Variants in MRC1 observed in about 807,000 individuals in gnomAD.
MRC1 encodes the protein macrophage mannose receptor 1.
MRC1 carries 62 observed loss-of-function variants against 102.9 expected under a neutral mutation model. That is an observed-to-expected ratio of 0.60 (90% CI 0.49 to 0.74). MRC1 has a LOEUF of 0.74. Ranked by LOEUF, MRC1 falls within the 30% of genes least tolerant of loss-of-function variation. MRC1 has a pLI of 0.00. For synonymous variants in MRC1, 457 were observed against 298.4 expected (o/e 1.53, Z -5.48); for missense variants, 1,237 against 862.8 (o/e 1.43, Z -5.43).
chr10:17,888,042 G>C (rs1833624925), intron 22 of MRC1, among the ~76,000 whole-genome samples: 1 of 152,144 alleles, frequency 6.6e-6, no homozygotes. Context: ...CTGACCTCGT[G>C]ATACACCTGC....
intron 21 of MRC1, 132 bp downstream of exon 21, chr10:17,881,313 A>C: frequency 1.5e-6 from 1 of 680,150 alleles, no homozygotes; most frequent in Non-Finnish European, 2.7e-6. Flanking sequence ...AAAAAATCAA[A>C]TGCTTATTGA....
At chr10:17,851,287 T>C (rs913541246) in intron 7 of MRC1, among the ~76,000 whole-genome samples, 99 of 152,272 alleles carry the variant, frequency 6.5e-4, no homozygotes, top group African/African-American at 2.3e-3. Context: ...CCATTAAAAA[T>C]TATTGATAAG....
chr10:17,812,017 TG>T (rs1313749086), intron 1 of MRC1, among the ~76,000 whole-genome samples: 1 of 152,204 alleles, frequency 6.6e-6, no homozygotes, highest in Non-Finnish European at 1.5e-5. Context: ...CCTGGCTTCC[TG>T]CCCACTAGGA....
At chr10:17,870,097 G>GT in intron 12 of MRC1, 149 bp from the exon 13 acceptor site, 1 of 653,608 alleles carries the variant, frequency 1.5e-6, no homozygotes, top group Non-Finnish European at 2.8e-6. Context: ...CTCATAAACT[G>GT]ATTTTAAAGC....
Position 17,845,231 on chromosome 10 carries a change from A to T in MRC1, c.917-58A>T, listed in dbSNP as rs782588754. 1.0e-5 allele frequency: 8 copies of T among 780,608 alleles called. No individual in the cohort carries two copies. In the African/African-American group the frequency reaches 1.4e-4, roughly 13 times the overall value. The allele number at this position is 780,608 out of a possible 1,614,324, so 48.4% of individuals were successfully genotyped here. ...GAAGACATGAGGAGACGTGGGAGGG[A>T]TGCTATCTGCTGGGAATAGCTATAA... On this transcript the variant is annotated intron_variant, in intron 5 of 29. Coordinates refer to ENST00000569591, the MANE Select transcript of MRC1 (RefSeq NM_002438.4).
chr10:17,853,572 A>ATG (rs782100594), intron 8 of MRC1, among the ~76,000 whole-genome samples: 33,394 of 146,292 alleles, frequency 0.23, 3,805 homozygotes, highest in East Asian at 0.36. Context: ...ATATATATGT[A>ATG]TGTGTGTGTG....
rs1833819935 is a variant in MRC1 at position 17,900,871 on chromosome 10, A to C, written c.3567A>C (p.Ala1189=). 2.6e-6 allele frequency: 2 copies of C among 780,836 alleles called. No homozygotes were observed. The highest frequency in any genetic ancestry group is 4.8e-6 in the Non-Finnish European group (2 of 417,952). 48.4% of individuals were successfully genotyped at this position (780,836 alleles called of 1,614,324 possible). A position where few individuals can be genotyped will look rare whatever the true frequency, so the allele number is the denominator to read the frequency against. The change falls in exon 25 of 30, where the codon GCA becomes GCC. Residue 1189 remains alanine (A), a synonymous_variant. Transcript: ENST00000569591. ...WAADEPKLKS[A]CVYLDLDGYW... ...CTGATGAGCCCAAATTGAAATCAGC[A>C]TGTGTTTATCTGGATCTTGATGGCT...
At chr10:17,816,343 A>C (rs1490374641) in intron 1 of MRC1, among the ~76,000 whole-genome samples, 1 of 152,192 alleles carries the variant, frequency 6.6e-6, no homozygotes, top group Non-Finnish European at 1.5e-5. Context: ...AGCCCAGGAA[A>C]CACTGACAGG....
At chr10:17,838,473 T>C (rs36089972) in intron 4 of MRC1, among the ~76,000 whole-genome samples, 2,946 of 151,758 alleles carry the variant, frequency 0.019, 105 homozygotes, top group African/African-American at 0.068. Context: ...AAATAAGATA[T>C]AGGAAGTGAA....
Position 17,823,368 on chromosome 10 carries a change from A to G in MRC1, c.356A>G (p.Tyr119Cys), listed in dbSNP as rs782634590. 3.8e-6 allele frequency: 3 copies of G among 780,748 alleles called. No homozygotes were observed. The highest frequency in any genetic ancestry group is 1.7e-5 in the African/African-American group (1 of 59,120). The allele number at this position is 780,748 out of a possible 1,614,324, so 48.4% of individuals were successfully genotyped here. A position where few individuals can be genotyped will look rare whatever the true frequency, so the allele number is the denominator to read the frequency against. The change falls in exon 2 of 30, where the codon TAC becomes TGC. Residue 119 changes from tyrosine to cysteine, a missense_variant. Physicochemically the swap from Tyr to Cys is radical, Grantham distance 194. Transcript: ENST00000569591. The part of the protein sequence containing the change: ...GIKGEDLFFN[Y>C]GNRQEKNIML... ...AAAGGAGAAGATTTATTTTTTAACT[A>G]CGGCAACAGACAAGAAAAGAATATT...
Position 17,874,924 on chromosome 10 carries a change from T to C in MRC1, c.2387-166T>C, listed in dbSNP as rs1833408626. 2.6e-5 allele frequency among the ~76,000 whole-genome samples: 4 copies of C among 152,152 alleles called. No homozygotes were observed. The South Asian group carries it at 8.3e-4, about 32-fold the overall frequency. ...TAGAAAGTGGATATTTGGGCTGGGG[T>C]TCAGATGTCTGTATTTGACGTGGAC... is the stretch of plus-strand genomic sequence containing the variant. On this transcript the variant is annotated intron_variant, in intron 16 of 29. Coordinates refer to ENST00000569591, the MANE Select transcript of MRC1 (RefSeq NM_002438.4).
chr10:17,819,164 C>T lies in MRC1; in HGVS notation c.62-3910C>T, dbSNP rs979038931. On this transcript the variant is annotated intron_variant, in intron 1 of 29. Transcript: ENST00000569591. ...CATTCAACCAGAATGTGGTGTACAT[C>T]GCAGGCAATCTGCAAAAGAGATGGG... is the stretch of plus-strand genomic sequence containing the variant. Among the ~76,000 whole-genome samples, 6 of 152,162 alleles carry T rather than the reference C, an allele frequency of 3.9e-5. No homozygotes were observed. The East Asian group carries it at 5.8e-4, about 15-fold the overall frequency.
intron 9 of MRC1, among the ~76,000 whole-genome samples, chr10:17,860,577 C>T (rs1297476333): frequency 6.6e-6 from 1 of 152,190 alleles, no homozygotes; most frequent in Non-Finnish European, 1.5e-5. Flanking sequence ...TGTGCCTGGC[C>T]ATTTCTGTGT....
chr10:17,822,215 T>C (rs1394247893), intron 1 of MRC1, among the ~76,000 whole-genome samples: 1 of 152,214 alleles, frequency 6.6e-6, no homozygotes, highest in Admixed American at 6.5e-5. Flanking sequence ...GTTATTCTCA[T>C]AAAATATTCT....
chr10:17,910,436 A>G lies in MRC1; in HGVS notation c.4342A>G (p.Ile1448Val). 3.8e-6 allele frequency: 3 copies of G among 780,862 alleles called. No homozygotes were observed. Among genetic ancestry groups the G allele is most frequent in the Non-Finnish European group, 7.2e-6 (3 of 417,956 alleles). 48.4% of individuals were successfully genotyped at this position (780,862 alleles called of 1,614,324 possible). Residue 1448 changes from isoleucine (I) to valine (V), a missense_variant, in exon 30 of 30, where the codon ATT becomes GTT. Coordinates refer to ENST00000569591, the MANE Select transcript of MRC1 (RefSeq NM_002438.4). ...TSDMKDLVGN[I>V]EQNEHSVI is the part of the protein sequence containing the mutation. ...TGATATGAAAGATCTCGTGGGCAAT[A>G]TTGAACAGAATGAACACTCGGTCAT...
At chr10:17,856,036 G>C (rs1311414142) in intron 8 of MRC1, among the ~76,000 whole-genome samples, 3 of 152,004 alleles carry the variant, frequency 2.0e-5, no homozygotes, top group South Asian at 2.1e-4. Context: ...AGAGCTTGGT[G>C]GTGGGTTCCT....
chr10:17,859,165 T>A (rs1833141732), intron 9 of MRC1, among the ~76,000 whole-genome samples: 1 of 152,044 alleles, frequency 6.6e-6, no homozygotes, highest in African/African-American at 2.4e-5. Context: ...ATCCTCCTTT[T>A]CTTTGTGCAT....
chr10:17,856,169 CAAA>C (rs1243445821), intron 8 of MRC1, 70 bp from the exon 9 acceptor site: 9,605 of 491,888 alleles, frequency 0.02, no homozygotes, highest in East Asian at 0.029. Flanking sequence ...GACACTGTCT[CAAA>C]AAAAAAAAAA....
chr10:17,877,719 A>C (rs1833456299), intron 17 of MRC1, among the ~76,000 whole-genome samples, 181 bp from the exon 18 acceptor site: 1 of 151,530 alleles, frequency 6.6e-6, no homozygotes, highest in Non-Finnish European at 1.5e-5. Flanking sequence ...CAAATTATTA[A>C]ATTGTGTGCA....
Sources: gnomAD v4.1 joint callset for allele counts (sites outside exome capture counted in the v4.1 genomes callset) on GRCh38, gnomAD v4.1.1 for gene constraint, MANE v1.5 for transcripts, NCBI Gene and HGNC (gene_info 2026-07-23, HGNC 2026-07-21) for gene names.